Variants in SV2B observed in about 807,000 individuals in gnomAD.
SV2B encodes the protein synaptic vesicle glycoprotein 2B.
In SV2B, 41 loss-of-function variants were observed where a neutral mutation model predicts 73.9. That is an observed-to-expected ratio of 0.56 (90% CI 0.43 to 0.72). SV2B has a LOEUF of 0.72. Ranked by LOEUF, SV2B falls within the 30% of genes least tolerant of loss-of-function variation. SV2B has a pLI of 0.00. For missense variants in SV2B, 764 were observed against 857.8 expected (o/e 0.89, Z 1.37); for synonymous variants, 314 against 314.2 (o/e 1.00, Z 0.01).
rs2048936437 is a variant in SV2B, at chr15:91,288,512, T to A, written c.1709-1009T>A. Among the ~76,000 whole-genome samples, 1 of 150,172 alleles carries A rather than the reference T, an allele frequency of 6.7e-6. No individual in the cohort carries two copies. Among genetic ancestry groups the A allele is most frequent in the Non-Finnish European group, 1.5e-5 (1 of 67,272 alleles). ...ATCTCGAAAAGTGAGATGATGCAGA[T>A]GTTTCTGTGCCTGGTTTACCCCATG... is the stretch of plus-strand genomic sequence containing the variant. On this transcript the variant is annotated intron_variant, in intron 11 of 12. Coordinates refer to ENST00000394232, the MANE Select transcript of SV2B (RefSeq NM_001323032.3). The surrounding 1 kb of genome is among the most constrained non-coding windows in gnomAD (Gnocchi z 5.8).
chr15:91,217,082 G>A (rs1318081114), intron 1 of SV2B, among the ~76,000 whole-genome samples: 1 of 151,950 alleles, frequency 6.6e-6, no homozygotes, highest in African/African-American at 2.4e-5. Flanking sequence ...TCGCCATGTT[G>A]GCCAGGCTGG....
intron 1 of SV2B, among the ~76,000 whole-genome samples, chr15:91,218,149 CA>C (rs1198596153): frequency 1.3e-5 from 2 of 151,844 alleles, no homozygotes; most frequent in Middle Eastern, 3.2e-3. Context: ...GAAGACTCTC[CA>C]AAAAAACAGG....
At position 91,292,892 on chromosome 15, in the gene SV2B, G is replaced by A. The variant is rs16945523; in HGVS notation, c.*340G>A. 2.2e-5 allele frequency: 4 copies of A among 179,166 alleles called. No homozygotes were observed. Among genetic ancestry groups the A allele is most frequent in the Non-Finnish European group, 4.6e-5 (4 of 86,430 alleles). The allele number at this position is 179,166 out of a possible 1,614,324, so 11.1% of individuals were successfully genotyped here. ...AAGTGCAAGGACTTAACTTGCGTTT[G>A]AAAAGGAATTAGAGGGTCAGAAACA... On this transcript the variant is annotated 3_prime_UTR_variant, in exon 13 of 13. Transcript: ENST00000394232.
intron 1 of SV2B, among the ~76,000 whole-genome samples, chr15:91,127,506 A>AG (rs1401824761): frequency 1.3e-5 from 2 of 152,126 alleles, no homozygotes; most frequent in African/African-American, 4.8e-5. Flanking sequence ...CTCAGCAGGA[A>AG]GGCTCAGTAG....
At chr15:91,143,237 G>A (rs762981745) in intron 1 of SV2B, among the ~76,000 whole-genome samples, 12 of 152,160 alleles carry the variant, frequency 7.9e-5, no homozygotes, top group Non-Finnish European at 1.8e-4. Context: ...GAACCGCTTG[G>A]GGGAAGGCAT....
At chr15:91,166,608 G>C (rs1208090189) in intron 1 of SV2B, among the ~76,000 whole-genome samples, 2 of 151,716 alleles carry the variant, frequency 1.3e-5, no homozygotes, top group Non-Finnish European at 2.9e-5. Context: ...TTTTGATATA[G>C]TTCCATAGGT....
At chr15:91,125,077 A>T (rs574931666) in intron 1 of SV2B, among the ~76,000 whole-genome samples, 10 of 152,310 alleles carry the variant, frequency 6.6e-5, no homozygotes, top group African/African-American at 2.4e-4. Flanking sequence ...ACCTGTTCAC[A>T]TAGCCTTCCC....
At chr15:91,145,833 CGTT>C (rs1366247355) in intron 1 of SV2B, among the ~76,000 whole-genome samples, 2 of 151,882 alleles carry the variant, frequency 1.3e-5, no homozygotes, top group African/African-American at 4.8e-5. Context: ...TTTTTAATGA[CGTT>C]GTTTTTTTCT....
intron 2 of SV2B, among the ~76,000 whole-genome samples, chr15:91,247,954 T>A (rs2047308398): frequency 6.6e-6 from 1 of 152,060 alleles, no homozygotes; most frequent in Non-Finnish European, 1.5e-5. Context: ...ATATCTTTAT[T>A]ATTATTATTC....
intron 4 of SV2B, among the ~76,000 whole-genome samples, chr15:91,255,630 A>T (rs2047660692): frequency 6.6e-6 from 1 of 152,190 alleles, no homozygotes; most frequent in African/African-American, 2.4e-5. Flanking sequence ...ATAAAAAATT[A>T]AAAAAATTAT....
chr15:91,141,881 A>T lies in SV2B; in HGVS notation c.-392+41518A>T, dbSNP rs2043007331. Among the ~76,000 whole-genome samples the T allele has an allele frequency of 6.6e-6, 1 of 152,036 alleles. No individual in the cohort carries two copies. Among genetic ancestry groups the T allele is most frequent in the Non-Finnish European group, 1.5e-5 (1 of 68,010 alleles). On this transcript the variant is annotated intron_variant, in intron 1 of 12. Coordinates refer to ENST00000394232, the MANE Select transcript of SV2B (RefSeq NM_001323032.3). The surrounding 1 kb of genome is among the most constrained non-coding windows in gnomAD (Gnocchi z 4.6). ...TAAAAGACTGACACTGTCGGACGGGAATTGGCAGTAGAGAACACAGGGTCC... is the reference window on the plus strand; with the variant it reads ...TAAAAGACTGACACTGTCGGACGGGTATTGGCAGTAGAGAACACAGGGTCC...
At chr15:91,113,729 A>G (rs1252053024) in intron 1 of SV2B, among the ~76,000 whole-genome samples, 2 of 152,182 alleles carry the variant, frequency 1.3e-5, no homozygotes, top group Non-Finnish European at 2.9e-5. Flanking sequence ...ATAGAATCCC[A>G]TATCATTTTT....
chr15:91,205,562 C>T (rs1033595631), intron 1 of SV2B, among the ~76,000 whole-genome samples: 5 of 151,942 alleles, frequency 3.3e-5, no homozygotes, highest in Admixed American at 3.3e-4. Context: ...GATGGGGTTT[C>T]ATCATGTTGG....
chr15:91,231,116 TA>T lies in SV2B; in HGVS notation c.451+4412del, dbSNP rs904394524. Among the ~76,000 whole-genome samples, 883 of 150,044 alleles carry T rather than the reference TA, an allele frequency of 5.9e-3. 6 individuals carry two copies. Among genetic ancestry groups the T allele is most frequent in the African/African-American group, 0.019 (776 of 40,988 alleles). On this transcript the variant is annotated intron_variant, in intron 2 of 12. Coordinates refer to ENST00000394232, the MANE Select transcript of SV2B (RefSeq NM_001323032.3). This position sits in a 1 kb window ranked among gnomAD's most constrained non-coding sequence, Gnocchi z 4.5. ...GATAATTATGCATTTTCTGGGTATG[TA>T]AAAAAAAAATCACCCGAAGAAATGA...
chr15:91,283,402 T>C lies in SV2B; in HGVS notation c.1508-619T>C, dbSNP rs2048744450. ...CCCTCAGTGTCTCAGTGTCACCTGA[T>C]TGGTACAAACAGGACTGTTATCCAG... On this transcript the variant is annotated intron_variant, in intron 10 of 12. Coordinates refer to ENST00000394232, the MANE Select transcript of SV2B (RefSeq NM_001323032.3). The surrounding 1 kb of genome is among the most constrained non-coding windows in gnomAD (Gnocchi z 4.3). 6.6e-6 allele frequency among the ~76,000 whole-genome samples: 1 copy of C among 151,986 alleles called. No individual in the cohort carries two copies. The highest frequency in any genetic ancestry group is 2.4e-5 in the African/African-American group (1 of 41,382).
At chr15:91,174,978 A>G (rs1596522921) in intron 1 of SV2B, among the ~76,000 whole-genome samples, 2 of 152,318 alleles carry the variant, frequency 1.3e-5, no homozygotes, top group South Asian at 2.1e-4. Flanking sequence ...AAGTTCTCCA[A>G]GAGCATGGAT....
chr15:91,281,799 T>C lies in SV2B; in HGVS notation c.1445T>C (p.Val482Ala). Residue 482 changes from valine to alanine, a missense_variant, in exon 10 of 13, where the codon GTA becomes GCA. Transcript: ENST00000394232. This position sits in a 1 kb window ranked among gnomAD's most constrained non-coding sequence, Gnocchi z 4.7. ...TFFDECYFED[V>A]TSTDTYFKNC... ...TTTGACGAGTGCTATTTTGAAGACGTAACATCAACAGATACCTACTTCAAA... is the reference window on the plus strand; with the variant it reads ...TTTGACGAGTGCTATTTTGAAGACGCAACATCAACAGATACCTACTTCAAA... The C allele has an allele frequency of 6.2e-7, 1 of 1,613,462 alleles. No homozygotes were observed. Among genetic ancestry groups the C allele is most frequent in the Non-Finnish European group, 8.5e-7 (1 of 1,179,626 alleles).
In SV2B at chr15:91,232,933, C is replaced by T. The variant is rs150156783; in HGVS notation, c.451+6219C>T. Among the ~76,000 whole-genome samples, 808 of 152,226 alleles carry T rather than the reference C, an allele frequency of 5.3e-3. 7 individuals are homozygous for T. The highest frequency in any genetic ancestry group is 0.018 in the African/African-American group (757 of 41,540). On this transcript the variant is annotated intron_variant, in intron 2 of 12. Transcript: ENST00000394232. The surrounding 1 kb of genome is among the most constrained non-coding windows in gnomAD (Gnocchi z 4.7). ...TCACGAATACCCAATATTTAGCGCT[C>T]GCTTATAAGTGAGAACATGCAGTGT...
intron 1 of SV2B, among the ~76,000 whole-genome samples, chr15:91,182,185 C>T (rs1362768870): frequency 6.6e-6 from 1 of 152,088 alleles, no homozygotes; most frequent in Non-Finnish European, 1.5e-5. Context: ...AAATGCTTTT[C>T]CTATGATTAA....
Sources: gnomAD v4.1 joint callset for allele counts (sites outside exome capture counted in the v4.1 genomes callset) on GRCh38, gnomAD v4.1.1 for gene constraint, Gnocchi (gnomAD v3.1) non-coding constraint, MANE v1.5 for transcripts, NCBI Gene and HGNC (gene_info 2026-07-23, HGNC 2026-07-21) for gene names.